FBXL5: variants seen among roughly 807,000 people sequenced by gnomAD.
The protein encoded by FBXL5 is F-box and leucine rich repeat protein 5.
In FBXL5, 26 loss-of-function variants were observed where a neutral mutation model predicts 78.3. The observed-to-expected ratio is 0.33, with a 90% CI of 0.24 to 0.46. The LOEUF (loss-of-function observed/expected upper bound fraction) is 0.46. FBXL5 is among the 20% of genes least tolerant of loss of function. FBXL5 has a pLI of 1.00. For missense variants in FBXL5, 710 were observed against 829.2 expected, an observed-to-expected ratio of 0.86 and a Z score of 1.77; for synonymous variants, 295 against 282.5, an observed-to-expected ratio of 1.04 and a Z score of -0.45.
chr4:15,635,323 C>T (rs1465428365), intron 5 of FBXL5, among the ~76,000 whole-genome samples: 2 of 148,718 alleles, frequency 1.3e-5, no homozygotes, highest in Admixed American at 6.7e-5. Context: ...AGAGTAAAAC[C>T]CCATCTCAAA....
At chr4:15,622,524 A>G (rs1181389250) in intron 9 of FBXL5, among the ~76,000 whole-genome samples, 1 of 152,164 alleles carries the variant, frequency 6.6e-6, no homozygotes, top group African/African-American at 2.4e-5. Context: ...GGTTCATTCA[A>G]TATGAAGTGG....
intron 3 of FBXL5, among the ~76,000 whole-genome samples, chr4:15,639,626 TA>T (rs1159300023): frequency 1.3e-5 from 2 of 152,222 alleles, no homozygotes; most frequent in Non-Finnish European, 2.9e-5. Context: ...CTTCCACAGA[TA>T]ATTGTGATGG....
At chr4:15,644,763 T>C (rs1715203315) in intron 1 of FBXL5, 55 bp from the exon 2 acceptor site, 1 of 1,284,650 alleles carries the variant, frequency 7.8e-7, no homozygotes, top group Non-Finnish European at 1.1e-6. Context: ...TATGCACAAA[T>C]AAAAAATATT....
rs377359127 is a variant in FBXL5, at chr4:15,625,306, A to G, written c.1796T>C (p.Val599Ala). 5.9e-5 allele frequency: 96 copies of G among 1,614,020 alleles called. No homozygotes were observed. The highest frequency in any genetic ancestry group is 8.0e-5 in the Non-Finnish European group (94 of 1,179,982). The stretch of plus-strand genomic sequence containing the variant: ...TCCAGATAAACTGAGAAACAGAAGT[A>G]CACGTCCAGTCTCTTGATCAGATTT... ...SEKSDQETGR[V>A]LLFLSLSGCY... is the part of the protein sequence containing the mutation. The change falls in exon 9 of 11, where the codon GTA becomes GCA. Residue 599 changes from valine (V) to alanine (A), a missense_variant. By Grantham distance (64) the Val-to-Ala change is moderately conservative. Coordinates refer to ENST00000341285, the MANE Select transcript of FBXL5 (RefSeq NM_012161.4).
intron 5 of FBXL5, among the ~76,000 whole-genome samples, chr4:15,635,017 T>A (rs976077994): frequency 2.0e-5 from 3 of 152,094 alleles, no homozygotes; most frequent in Non-Finnish European, 4.4e-5. Flanking sequence ...TTCAAAAAAA[T>A]ATCTAACAGC....
Position 15,636,482 on chromosome 4 carries a change from C to A in FBXL5, c.766+12G>T, listed in dbSNP as rs370716941. On this transcript the variant is annotated intron_variant, in intron 5 of 10. Transcript: ENST00000341285. ...AAATACATGAAAATATTTTAAAAAC[C>A]CATTTACCTACCTCTGGCCCAATGA... 2 of 1,504,574 alleles carry A rather than the reference C, an allele frequency of 1.3e-6. No individual in the cohort carries two copies. Among genetic ancestry groups the A allele is most frequent in the Non-Finnish European group, 1.8e-6 (2 of 1,124,056 alleles). 93.2% of individuals were successfully genotyped at this position (1,504,574 alleles called of 1,614,324 possible).
chr4:15,647,744 C>G (rs893331655), intron 1 of FBXL5, among the ~76,000 whole-genome samples: 3 of 152,184 alleles, frequency 2.0e-5, no homozygotes, highest in Admixed American at 6.5e-5. Context: ...GACTCTAGGG[C>G]AAGATTGCCT....
At chr4:15,679,113 A>G (rs1718102162) in intron 1 of FBXL5, among the ~76,000 whole-genome samples, 1 of 137,912 alleles carries the variant, frequency 7.3e-6, no homozygotes, top group Non-Finnish European at 1.5e-5. Flanking sequence ...ACCAGGCTGG[A>G]GTGCAGCGGC....
chr4:15,633,588 C>G (rs1036135265), intron 5 of FBXL5, among the ~76,000 whole-genome samples: 3 of 152,154 alleles, frequency 2.0e-5, no homozygotes, highest in Non-Finnish European at 1.5e-5. Context: ...TATGCGGAAT[C>G]AATTTACTGA....
chr4:15,618,357 C>G (rs1255636548), intron 9 of FBXL5, among the ~76,000 whole-genome samples: 1 of 151,956 alleles, frequency 6.6e-6, no homozygotes, highest in African/African-American at 2.4e-5. Context: ...CACAATGAGA[C>G]TAAATATAAT....
At chr4:15,606,834 A>T (rs1721919035) in intron 10 of FBXL5, among the ~76,000 whole-genome samples, 1 of 152,204 alleles carries the variant, frequency 6.6e-6, no homozygotes, top group African/African-American at 2.4e-5. Flanking sequence ...CTGGGGTGAT[A>T]TCTAGCTTAA....
intron 5 of FBXL5, among the ~76,000 whole-genome samples, chr4:15,633,084 G>C (rs1368827266): frequency 6.6e-6 from 1 of 152,098 alleles, no homozygotes; most frequent in Non-Finnish European, 1.5e-5. Context: ...ATAAGCAAAG[G>C]ATTCCATTTC....
chr4:15,608,964 A>T (rs1722062690), intron 10 of FBXL5, among the ~76,000 whole-genome samples: 1 of 152,176 alleles, frequency 6.6e-6, no homozygotes, highest in Non-Finnish European at 1.5e-5. Context: ...GGAAAGTATA[A>T]GCAACATTAA....
chr4:15,658,271 A>G (rs1717118056), upstream of FBXL5, among the ~76,000 whole-genome samples: 1 of 152,244 alleles, frequency 6.6e-6, no homozygotes, highest in Non-Finnish European at 1.5e-5. Context: ...CATAGTCCTC[A>G]CTCAGTACCA....
At chr4:15,668,333 A>G (rs527808489) in intron 1 of FBXL5, among the ~76,000 whole-genome samples, 24 of 151,936 alleles carry the variant, frequency 1.6e-4, no homozygotes, top group Non-Finnish European at 3.4e-4. Context: ...AAAAATAATC[A>G]AGAATGATGA....
intron 6 of FBXL5, among the ~76,000 whole-genome samples, chr4:15,630,262 T>C (rs1713487230): frequency 6.6e-6 from 1 of 152,176 alleles, no homozygotes; most frequent in African/African-American, 2.4e-5. Context: ...ATTAAGACTA[T>C]CTACAAACGA....
chr4:15,619,227 G>T (rs1266713672), intron 9 of FBXL5, among the ~76,000 whole-genome samples: 1 of 152,096 alleles, frequency 6.6e-6, no homozygotes, highest in Non-Finnish European at 1.5e-5. Context: ...TATGAAACCA[G>T]TATTATCAAA....
chr4:15,662,526 A>G (rs1198883412), upstream of FBXL5, among the ~76,000 whole-genome samples: 2 of 152,226 alleles, frequency 1.3e-5, no homozygotes, highest in Non-Finnish European at 2.9e-5. Context: ...TAATGAGACT[A>G]TCCCAAGAGA....
intron 1 of FBXL5, among the ~76,000 whole-genome samples, chr4:15,645,092 G>A (rs73241180): frequency 0.091 from 13,844 of 151,720 alleles, 773 homozygotes; most frequent in Non-Finnish European, 0.12. Flanking sequence ...ACAACAGACG[G>A]GTAGATGAAA....
Sources: allele counts gnomAD v4.1 joint callset (sites outside exome capture counted in the v4.1 genomes callset), GRCh38; gene constraint gnomAD v4.1.1; transcripts MANE v1.5; gene names NCBI Gene and HGNC (gene_info 2026-07-23, HGNC 2026-07-21).